Variants in BRD4 observed in about 807,000 individuals in gnomAD.
BRD4 encodes bromodomain-containing protein 4.
A neutral mutation model predicts 142.1 loss-of-function variants in BRD4; 16 were observed. That is an observed-to-expected ratio of 0.11 (90% CI 0.08 to 0.17). The LOEUF (loss-of-function observed/expected upper bound fraction) is 0.17. BRD4 is among the 10% of genes least tolerant of loss of function. The pLI, the probability that BRD4 is intolerant of heterozygous loss-of-function variation, is 1.00. For missense variants in BRD4, 1,424 were observed against 1,810.9 expected, an observed-to-expected ratio of 0.79 and a Z score of 3.88; for synonymous variants, 833 against 707.5, an observed-to-expected ratio of 1.18 and a Z score of -2.82.
intron 1 of BRD4, among the ~76,000 whole-genome samples, chr19:15,284,649 G>A (rs1320903772): frequency 6.6e-6 from 1 of 152,146 alleles, no homozygotes; most frequent in Admixed American, 6.5e-5. Flanking sequence ...TGCACTGCTG[G>A]GAGGCCCTCC....
At chr19:15,330,102 T>C (rs2048144057) in intron 1 of BRD4, among the ~76,000 whole-genome samples, 1 of 152,224 alleles carries the variant, frequency 6.6e-6, no homozygotes, top group Non-Finnish European at 1.5e-5. Context: ...CTTTCATCCG[T>C]AGGCAAAGTT....
intron 11 of BRD4, chr19:15,249,182 TC>T (rs2047318544): frequency 1.3e-6 from 2 of 1,594,404 alleles, no homozygotes; most frequent in African/African-American, 1.3e-5. Flanking sequence ...CTTGATGGAG[TC>T]CTGTCCCTTT....
In BRD4 at chr19:15,239,861, G is replaced by GC. The variant is rs2047224834; in HGVS notation, c.3283-41dup. On this transcript the variant is annotated intron_variant, in intron 15 of 19. Coordinates refer to ENST00000679869, the MANE Select transcript of BRD4 (RefSeq NM_001379291.1). The surrounding 1 kb of genome is among the most constrained non-coding windows in gnomAD (Gnocchi z 7.4). ...GCACAGCGGCCGGTGAGGTGGGCAG[G>GC]CACCCCCGGCCCTAGCCCACAGGAC... is the stretch of plus-strand genomic sequence containing the variant. The GC allele has an allele frequency of 6.2e-7, 1 of 1,613,784 alleles. No homozygotes were observed. Among genetic ancestry groups the GC allele is most frequent in the African/African-American group, 1.3e-5 (1 of 74,928 alleles).
chr19:15,300,117 T>G (rs1270441479), intron 1 of BRD4, among the ~76,000 whole-genome samples: 1 of 152,100 alleles, frequency 6.6e-6, no homozygotes, highest in Non-Finnish European at 1.5e-5. Context: ...TGGTGGTGTG[T>G]GCCTGTAGTT....
chr19:15,292,734 T>G (rs1325208428), intron 1 of BRD4, among the ~76,000 whole-genome samples: 1 of 121,732 alleles, frequency 8.2e-6, no homozygotes, highest in Non-Finnish European at 1.6e-5. Flanking sequence ...GCTGAGATGG[T>G]GCCACTGCAC....
chr19:15,252,697 A>G (rs960979951), intron 11 of BRD4, among the ~76,000 whole-genome samples: 1 of 152,194 alleles, frequency 6.6e-6, no homozygotes, highest in African/African-American at 2.4e-5. Context: ...GGCGACAGGG[A>G]AGGCCAGGAG....
chr19:15,278,975 G>A (rs2047679465), intron 1 of BRD4, among the ~76,000 whole-genome samples: 2 of 152,098 alleles, frequency 1.3e-5, no homozygotes, highest in African/African-American at 4.8e-5. Context: ...CTGAGTAGCT[G>A]GTATTACAAG....
At position 15,244,263 on chromosome 19, in the gene BRD4, T is replaced by G; in HGVS notation, c.2549A>C (p.His850Pro). The G allele has an allele frequency of 6.3e-7, 1 of 1,582,870 alleles. No homozygotes were observed. The highest frequency in any genetic ancestry group is 1.2e-5 in the South Asian group (1 of 86,736). The stretch of plus-strand genomic sequence containing the variant: ...AGAGACCACTGCGTGCTGGTTGAGA[T>G]GGGGTGGAGTGCTGTGCTCAGGCGG... Reference protein sequence around the residue: ...PQPPEHSTPPHLNQHAVVSPP... With the variant: ...PQPPEHSTPPPLNQHAVVSPP... Residue 850 changes from histidine to proline, a missense_variant, in exon 13 of 20, where the codon CAT (histidine) becomes CCT (proline). By Grantham distance (77) the His-to-Pro change is moderately conservative. This residue lies in a region of BRD4 where 598 missense variants were observed against 647.8 expected (regional missense o/e 0.92). Transcript: ENST00000679869.
intron 1 of BRD4, among the ~76,000 whole-genome samples, chr19:15,308,585 T>TAAAAAAAAAAAA (rs894226842): frequency 8.4e-6 from 1 of 119,386 alleles, no homozygotes. Context: ...AGAGTCTACC[T>TAAAAAAAAAAAA]AAAAAAAAAA....
chr19:15,318,099 G>C (rs916208829), intron 1 of BRD4, among the ~76,000 whole-genome samples: 1 of 152,180 alleles, frequency 6.6e-6, no homozygotes, highest in Non-Finnish European at 1.5e-5. Context: ...TCACGCACAT[G>C]ATCTTATTTC....
Position 15,257,151 on chromosome 19 carries a change from G to C in BRD4, c.1364C>G (p.Ala455Gly). The change falls in exon 8 of 20, where the codon GCC becomes GGC. Residue 455 changes from alanine to glycine, a missense_variant. This residue lies in a region of BRD4 where 90 missense variants were observed against 93.2 expected (regional missense o/e 0.97). Transcript: ENST00000679869. ...KLQDVFEMRF[A>G]KMPDEPEEPV... is the part of the protein sequence containing the mutation. ...CTCCTCAGGCTCGTCCGGCATCTTG[G>C]CAAAGCGCATTTCGAACACATCCTG... is the stretch of plus-strand genomic sequence containing the variant. 6.2e-7 allele frequency: 1 copy of C among 1,607,852 alleles called. No individual in the cohort carries two copies. The highest frequency in any genetic ancestry group is 8.5e-7 in the Non-Finnish European group (1 of 1,179,208).
At chr19:15,311,231 G>A (rs140660815) in intron 1 of BRD4, among the ~76,000 whole-genome samples, 52 of 152,240 alleles carry the variant, frequency 3.4e-4, no homozygotes, top group Non-Finnish European at 4.3e-4. Flanking sequence ...GGCGGAGGTT[G>A]CGGTGAGTCG....
At chr19:15,256,408 G>C in intron 8 of BRD4, 145 bp from the exon 9 acceptor site, 1 of 990,426 alleles carries the variant, frequency 1.0e-6, no homozygotes, top group Non-Finnish European at 1.5e-6. Context: ...GGGAAGGGAA[G>C]GCCCCCAGCT....
In BRD4 at chr19:15,243,023, C is replaced by T. The variant is rs2047251525; in HGVS notation, c.3046G>A (p.Gly1016Ser). The change falls in exon 14 of 20, where the codon GGC becomes AGC. Residue 1016 changes from glycine to serine, a missense_variant. Around this residue, in one of 16 missense-constraint regions of BRD4, gnomAD observed 598 missense variants for 647.8 expected, o/e 0.92. Transcript: ENST00000679869. Reference protein sequence around the residue: ...THIQQPPPPQGQQPPHPPPGQ... With the variant: ...THIQQPPPPQSQQPPHPPPGQ... ...GGGGGCGGATGGGGGGGCTGCTGGC[C>T]CTGGGGTGGCGGGGGCTGTTGGATG... The T allele has an allele frequency of 2.0e-6, 3 of 1,488,968 alleles. No individual in the cohort carries two copies. The highest frequency in any genetic ancestry group is 1.3e-5 in the South Asian group (1 of 79,870). The allele number at this position is 1,488,968 out of a possible 1,614,324, so 92.2% of individuals were successfully genotyped here.
At chr19:15,257,300 C>A (rs1048922851) in intron 7 of BRD4, 127 bp from the exon 8 acceptor site, 4 of 920,252 alleles carry the variant, frequency 4.3e-6, no homozygotes, top group Middle Eastern at 3.5e-4. Flanking sequence ...GGATGGTGAT[C>A]CTGTCTCTTT....
intron 1 of BRD4, among the ~76,000 whole-genome samples, chr19:15,305,720 T>C (rs2047908277): frequency 6.6e-6 from 1 of 152,356 alleles, no homozygotes; most frequent in East Asian, 1.9e-4. Context: ...TCAGCTACAG[T>C]AGCCCCTAAT....
chr19:15,238,866 C>CTGT lies in BRD4; in HGVS notation c.3894_3896dup (p.Gln1300dup). On this transcript the variant is annotated inframe_insertion, in exon 19 of 20. Transcript: ENST00000679869. This position sits in a 1 kb window ranked among gnomAD's most constrained non-coding sequence, Gnocchi z 7.2. ...CGGCGGCAGCCACCGCAGCTGCTTG[C>CTGT]TGTTGCTGCTGCTGCTGTTGCTCCT... 1 of 1,600,374 alleles carries CTGT rather than the reference C, an allele frequency of 6.2e-7. No individual in the cohort carries two copies. The highest frequency in any genetic ancestry group is 1.3e-5 in the African/African-American group (1 of 74,828).
chr19:15,318,201 G>C (rs779797445), intron 1 of BRD4, among the ~76,000 whole-genome samples: 1 of 151,986 alleles, frequency 6.6e-6, no homozygotes, highest in Non-Finnish European at 1.5e-5. Flanking sequence ...AGAGAAATGG[G>C]ATTAATAAAA....
At chr19:15,285,034 C>G (rs936587529) in intron 1 of BRD4, among the ~76,000 whole-genome samples, 4 of 152,160 alleles carry the variant, frequency 2.6e-5, no homozygotes, top group African/African-American at 9.7e-5. Flanking sequence ...CTCTCCAGCC[C>G]CTGCAGGCAG....
Sources: gnomAD v4.1 joint callset for allele counts (sites outside exome capture counted in the v4.1 genomes callset) on GRCh38, gnomAD v4.1.1 for gene constraint, gnomAD v4.1.1 regional missense constraint, Gnocchi (gnomAD v3.1) non-coding constraint, MANE v1.5 for transcripts, NCBI Gene and HGNC (gene_info 2026-07-23, HGNC 2026-07-21) for gene names.